Variants in SLC35F1 observed in about 807,000 individuals in gnomAD.
SLC35F1 encodes chromosome 6 open reading frame 169.
SLC35F1 carries 14 observed loss-of-function variants against 48.7 expected under a neutral mutation model. The ratio of observed to expected loss-of-function variants is 0.29; its 90% confidence interval spans 0.19 to 0.45. The LOEUF is 0.45. Among genes scored for constraint, SLC35F1 ranks in the 20% least tolerant of loss-of-function variants. The pLI, the probability that SLC35F1 is intolerant of heterozygous loss-of-function variation, is 1.00. For synonymous variants in SLC35F1, 190 were observed against 202.2 expected (o/e 0.94, Z 0.51); for missense variants, 404 against 500.0 (o/e 0.81, Z 1.83).
At chr6:118,185,059 A>G (rs1003416415) in intron 2 of SLC35F1, among the ~76,000 whole-genome samples, 2 of 152,100 alleles carry the variant, frequency 1.3e-5, no homozygotes, top group Non-Finnish European at 2.9e-5. Context: ...GCACAGGTAT[A>G]CTTTTTTTAA....
chr6:117,923,657 A>ATG (rs1405639291), intron 1 of SLC35F1, among the ~76,000 whole-genome samples: 2 of 76,204 alleles, frequency 2.6e-5, no homozygotes, highest in African/African-American at 9.6e-5. Context: ...ATATGTACAT[A>ATG]TGTATATATA....
intron 1 of SLC35F1, among the ~76,000 whole-genome samples, chr6:118,006,030 A>G (rs1053153473): frequency 2.0e-5 from 3 of 152,202 alleles, no homozygotes; most frequent in African/African-American, 4.8e-5. Flanking sequence ...ATTACAATTG[A>G]TTTATTCAAA....
At chr6:118,076,573 A>G (rs111774853) in intron 1 of SLC35F1, among the ~76,000 whole-genome samples, 66 of 152,212 alleles carry the variant, frequency 4.3e-4, no homozygotes, top group African/African-American at 1.5e-3. Context: ...AAACAACCAG[A>G]TCCCATGAGA....
intron 2 of SLC35F1, among the ~76,000 whole-genome samples, chr6:118,159,246 A>T (rs948389008): frequency 1.3e-5 from 2 of 150,784 alleles, no homozygotes; most frequent in African/African-American, 4.9e-5. Context: ...AAAAAAAAAA[A>T]AGTGCTTACT....
At chr6:118,167,463 G>T (rs1774335567) in intron 2 of SLC35F1, among the ~76,000 whole-genome samples, 1 of 151,904 alleles carries the variant, frequency 6.6e-6, no homozygotes, top group Non-Finnish European at 1.5e-5. Flanking sequence ...TTGCTCCTGG[G>T]GTACAAACTT....
rs552842561 is a variant in SLC35F1, at chr6:118,000,805, A to G, written c.173+92906A>G. On this transcript the variant is annotated intron_variant, in intron 1 of 7. Transcript: ENST00000360388. ...TCACAAGCATTCTTATACACCAGTA[A>G]CAGACAAACAGAGAGCCAAATCATG... 3.3e-5 allele frequency among the ~76,000 whole-genome samples: 5 copies of G among 152,332 alleles called. No homozygotes were observed. In the South Asian group the frequency reaches 8.3e-4, roughly 25 times the overall value.
At chr6:118,277,724 T>C (rs949751093) in intron 6 of SLC35F1, among the ~76,000 whole-genome samples, 178 bp downstream of exon 6, 1 of 152,218 alleles carries the variant, frequency 6.6e-6, no homozygotes, top group African/African-American at 2.4e-5. Flanking sequence ...CTAAATTGTA[T>C]TATTCATAGT....
intron 1 of SLC35F1, among the ~76,000 whole-genome samples, chr6:118,139,919 C>T (rs566189285): frequency 6.6e-6 from 1 of 152,202 alleles, no homozygotes; most frequent in South Asian, 2.1e-4. Flanking sequence ...AGAAAATATA[C>T]TTTAGCACAA....
At chr6:118,160,785 C>T (rs926884485) in intron 2 of SLC35F1, among the ~76,000 whole-genome samples, 3 of 152,088 alleles carry the variant, frequency 2.0e-5, no homozygotes, top group African/African-American at 7.2e-5. Context: ...ATATGACAGC[C>T]CTGTCTACGC....
chr6:118,201,456 A>G (rs1266922125), intron 2 of SLC35F1, among the ~76,000 whole-genome samples: 1 of 152,184 alleles, frequency 6.6e-6, no homozygotes, highest in Non-Finnish European at 1.5e-5. Context: ...ATTTAGATAG[A>G]TTGTTCCTTA....
At chr6:118,081,621 C>T (rs1772909434) in intron 1 of SLC35F1, among the ~76,000 whole-genome samples, 1 of 152,042 alleles carries the variant, frequency 6.6e-6, no homozygotes, top group Admixed American at 6.5e-5. Context: ...GGTGACAGAG[C>T]AAGACCCTGT....
chr6:117,929,328 C>T (rs1338172395), intron 1 of SLC35F1, among the ~76,000 whole-genome samples: 1 of 152,014 alleles, frequency 6.6e-6, no homozygotes, highest in African/African-American at 2.4e-5. Flanking sequence ...TGGTGAGCAG[C>T]AGGACTTAGA....
At chr6:118,029,206 T>C (rs1347514319) in intron 1 of SLC35F1, among the ~76,000 whole-genome samples, 3 of 152,046 alleles carry the variant, frequency 2.0e-5, no homozygotes, top group East Asian at 3.9e-4. Flanking sequence ...AAAAAGCAAC[T>C]ATATTTCCTT....
intron 1 of SLC35F1, among the ~76,000 whole-genome samples, chr6:117,924,429 G>T (rs1027112566): frequency 9.8e-5 from 11 of 111,816 alleles, no homozygotes; most frequent in African/African-American, 3.5e-4. Context: ...ATACACATAC[G>T]CATAACACAT....
At chr6:118,181,591 T>G (rs1774579095) in intron 2 of SLC35F1, among the ~76,000 whole-genome samples, 1 of 151,782 alleles carries the variant, frequency 6.6e-6, no homozygotes, top group Admixed American at 6.6e-5. Flanking sequence ...CCAAAATGAG[T>G]AGAAATATAT....
At chr6:118,284,268 T>C (rs1473510388) in intron 6 of SLC35F1, among the ~76,000 whole-genome samples, 1 of 152,240 alleles carries the variant, frequency 6.6e-6, no homozygotes, top group South Asian at 2.1e-4. Context: ...TTTTATTATG[T>C]TGTAATACCA....
rs1775699209 is a variant in SLC35F1, at chr6:117,907,381, C to T, written c.-346C>T. ...AAACAAGGAGAAATCAGGACTCCTT[C>T]CCCGGAACCGACCGGCAGCTCCGCG... On this transcript the variant is annotated 5_prime_UTR_variant, in exon 1 of 8. Transcript: ENST00000360388. 1.2e-5 allele frequency: 2 copies of T among 171,032 alleles called. No individual in the cohort carries two copies. The highest frequency in any genetic ancestry group is 1.6e-4 in the East Asian group (1 of 6,196). The allele number at this position is 171,032 out of a possible 1,614,324, so 10.6% of individuals were successfully genotyped here. A position where few individuals can be genotyped will look rare whatever the true frequency, so the allele number is the denominator to read the frequency against.
intron 1 of SLC35F1, among the ~76,000 whole-genome samples, chr6:118,136,975 T>C (rs376983299): frequency 5.3e-5 from 8 of 152,226 alleles, no homozygotes; most frequent in African/African-American, 1.7e-4. Flanking sequence ...CCTTTATAGC[T>C]AGATAACTTT....
intron 1 of SLC35F1, among the ~76,000 whole-genome samples, chr6:117,970,211 T>C (rs985269151): frequency 6.6e-6 from 1 of 152,206 alleles, no homozygotes; most frequent in African/African-American, 2.4e-5. Context: ...TTGAATACTG[T>C]GTTCACAGAG....
Sources: allele counts gnomAD v4.1 joint callset (sites outside exome capture counted in the v4.1 genomes callset), GRCh38; gene constraint gnomAD v4.1.1; transcripts MANE v1.5; gene names NCBI Gene and HGNC (gene_info 2026-07-23, HGNC 2026-07-21).